NPAS2: variants seen among roughly 807,000 people sequenced by gnomAD.
NPAS2 encodes neuronal PAS domain-containing protein 2.
In NPAS2, 23 loss-of-function variants were observed where a neutral mutation model predicts 107.5. The ratio of observed to expected loss-of-function variants is 0.21; its 90% confidence interval spans 0.15 to 0.30. NPAS2 has a LOEUF of 0.30. NPAS2 is among the 10% of genes least tolerant of loss of function. NPAS2 has a pLI of 1.00. For missense variants in NPAS2, 756 were observed against 1,043.3 expected, an observed-to-expected ratio of 0.72 and a Z score of 3.79; for synonymous variants, 403 against 417.5, an observed-to-expected ratio of 0.97 and a Z score of 0.42.
chr2:100,941,763 G>A (rs1674587848), intron 5 of NPAS2, among the ~76,000 whole-genome samples: 1 of 152,100 alleles, frequency 6.6e-6, no homozygotes, highest in Non-Finnish European at 1.5e-5. Flanking sequence ...GGACAGAATG[G>A]GGAAAGAGTA....
chr2:100,835,135 G>T (rs576613259), intron 1 of NPAS2, among the ~76,000 whole-genome samples: 1 of 152,302 alleles, frequency 6.6e-6, no homozygotes, highest in South Asian at 2.1e-4. Flanking sequence ...TTGCTCATTT[G>T]CTTTGACAGC....
intron 1 of NPAS2, among the ~76,000 whole-genome samples, chr2:100,830,128 A>G (rs2104357030): frequency 6.6e-6 from 1 of 152,334 alleles, no homozygotes; most frequent in South Asian, 2.1e-4. Context: ...AGGCATCCCA[A>G]ATATCCTAAC....
chr2:100,985,847 G>A (rs1677747086), intron 16 of NPAS2: 1 of 152,132 alleles, frequency 6.6e-6, no homozygotes, highest in Non-Finnish European at 1.5e-5. Context: ...CATACTGCTA[G>A]TAAATGGTAG....
intron 2 of NPAS2, among the ~76,000 whole-genome samples, chr2:100,910,205 G>A (rs1573600524): frequency 6.6e-6 from 1 of 152,114 alleles, no homozygotes; most frequent in African/African-American, 2.4e-5. Context: ...AAGGCTAAAC[G>A]TTTCTTTTTA....
At chr2:100,834,205 T>G (rs1676918688) in intron 1 of NPAS2, among the ~76,000 whole-genome samples, 1 of 152,150 alleles carries the variant, frequency 6.6e-6, no homozygotes, top group African/African-American at 2.4e-5. Context: ...TCTCAGGCCC[T>G]GCTTCCAGAG....
At chr2:100,992,645 T>C (rs1037535351) in intron 19 of NPAS2, among the ~76,000 whole-genome samples, 3 of 152,188 alleles carry the variant, frequency 2.0e-5, no homozygotes, top group Admixed American at 6.5e-5. Context: ...ACATCTCATT[T>C]TGGTTTTGAT....
chr2:100,905,895 C>T (rs1305956927), intron 2 of NPAS2, among the ~76,000 whole-genome samples: 2 of 152,162 alleles, frequency 1.3e-5, no homozygotes, highest in African/African-American at 4.8e-5. Flanking sequence ...GCCATGAGAA[C>T]CACAAATCCC....
At chr2:100,928,794 A>G (rs1479993646) in intron 3 of NPAS2, among the ~76,000 whole-genome samples, 2 of 152,258 alleles carry the variant, frequency 1.3e-5, no homozygotes, top group Admixed American at 6.5e-5. Flanking sequence ...GGCACCTGCA[A>G]CAGAGTAGAG....
chr2:100,841,406 A>G (rs1430945149), intron 1 of NPAS2, among the ~76,000 whole-genome samples: 1 of 152,204 alleles, frequency 6.6e-6, no homozygotes, highest in Non-Finnish European at 1.5e-5. Flanking sequence ...GCGCCACTGC[A>G]CTCCAGCCTG....
At chr2:100,915,342 T>C (rs951158755) in intron 2 of NPAS2, among the ~76,000 whole-genome samples, 3 of 152,238 alleles carry the variant, frequency 2.0e-5, no homozygotes, top group South Asian at 2.1e-4. Context: ...GCAGGATAAA[T>C]AGAGCCAGCT....
intron 19 of NPAS2, among the ~76,000 whole-genome samples, chr2:100,991,951 C>G (rs1368225975): frequency 6.6e-6 from 1 of 152,184 alleles, no homozygotes; most frequent in Non-Finnish European, 1.5e-5. Flanking sequence ...TTCTAGGCAG[C>G]CTCTGCCCCT....
intron 2 of NPAS2, among the ~76,000 whole-genome samples, chr2:100,912,130 A>G (rs1006182351): frequency 3.3e-5 from 5 of 152,156 alleles, no homozygotes; most frequent in Admixed American, 2.0e-4. Flanking sequence ...TTCCTTCTAC[A>G]ACCTCAGTCG....
At chr2:100,932,654 C>T (rs944866106) in intron 3 of NPAS2, among the ~76,000 whole-genome samples, 6 of 152,198 alleles carry the variant, frequency 3.9e-5, no homozygotes, top group African/African-American at 1.4e-4. Flanking sequence ...GGCCATGGTA[C>T]CACCTGCAAG....
At chr2:100,984,495 G>A (rs977651261) in intron 16 of NPAS2, 4 of 152,260 alleles carry the variant, frequency 2.6e-5, no homozygotes, top group Non-Finnish European at 5.9e-5. Flanking sequence ...AAAATGTCCT[G>A]TAATGACAAG....
At chr2:100,843,150 C>T (rs1030109846) in intron 1 of NPAS2, among the ~76,000 whole-genome samples, 4 of 150,798 alleles carry the variant, frequency 2.7e-5, no homozygotes, top group African/African-American at 4.9e-5. Context: ...ACCCGGGAGG[C>T]GGAGGTTGCA....
chr2:100,918,701 C>T (rs773014138), intron 2 of NPAS2, among the ~76,000 whole-genome samples: 5 of 152,126 alleles, frequency 3.3e-5, no homozygotes, highest in Non-Finnish European at 5.9e-5. Flanking sequence ...AATAATGTAC[C>T]ACCGCAACTT....
chr2:100,911,519 G>C (rs543762080), intron 2 of NPAS2, among the ~76,000 whole-genome samples: 3 of 152,248 alleles, frequency 2.0e-5, no homozygotes, highest in African/African-American at 7.2e-5. Context: ...CCGCTTCCCA[G>C]GTTCAAGCAA....
intron 2 of NPAS2, among the ~76,000 whole-genome samples, chr2:100,911,230 T>C (rs550314289): frequency 6.6e-6 from 1 of 152,188 alleles, no homozygotes; most frequent in East Asian, 1.9e-4. Context: ...GGCAAGAAAA[T>C]AACCTCCTCT....
chr2:100,879,164 A>G (rs536188359), intron 1 of NPAS2, among the ~76,000 whole-genome samples: 8 of 152,268 alleles, frequency 5.3e-5, no homozygotes, highest in Admixed American at 4.6e-4. Context: ...TGAAGGTGCA[A>G]TAGATCTCCA....
Sources: allele counts gnomAD v4.1 joint callset (sites outside exome capture counted in the v4.1 genomes callset), GRCh38; gene constraint gnomAD v4.1.1; transcripts MANE v1.5; gene names NCBI Gene and HGNC (gene_info 2026-07-23, HGNC 2026-07-21).